Variants in PRKG2 observed in about 807,000 individuals in gnomAD.
PRKG2 encodes the protein protein kinase cGMP-dependent 2.
PRKG2 carries 33 observed loss-of-function variants against 97.2 expected under a neutral mutation model. That is an observed-to-expected ratio of 0.34 (90% CI 0.26 to 0.45). The LOEUF is 0.45. PRKG2 is among the 20% of genes least tolerant of loss of function. The pLI, the probability that PRKG2 is intolerant of heterozygous loss-of-function variation, is 1.00. For missense variants in PRKG2, 638 were observed against 900.0 expected, an observed-to-expected ratio of 0.71 and a Z score of 3.73; for synonymous variants, 330 against 321.8, an observed-to-expected ratio of 1.03 and a Z score of -0.27.
At chr4:81,208,710 C>T (rs192793714) in intron 1 of PRKG2, among the ~76,000 whole-genome samples, 136 of 152,248 alleles carry the variant, frequency 8.9e-4, no homozygotes, top group African/African-American at 2.8e-3. Flanking sequence ...TTTAAAGATG[C>T]ACATTATTCC....
In PRKG2 at chr4:81,138,246, G is replaced by A. The variant is rs189742585; in HGVS notation, c.1545-764C>T. On this transcript the variant is annotated intron_variant, in intron 12 of 18. Coordinates refer to ENST00000264399, the MANE Select transcript of PRKG2 (RefSeq NM_006259.3). ...GGAATGGGGGCCTCAGTTCCGAAGC[G>A]GGACGTAGGCAGGGCATCACATTTC... is the stretch of plus-strand genomic sequence containing the variant. Among the ~76,000 whole-genome samples the A allele has an allele frequency of 2.2e-4, 34 of 152,290 alleles. 1 individual carries two copies. In the East Asian group the frequency reaches 4.2e-3, roughly 19 times the overall value.
intron 13 of PRKG2, among the ~76,000 whole-genome samples, chr4:81,136,608 G>T (rs968442706): frequency 2.6e-5 from 4 of 151,906 alleles, no homozygotes; most frequent in Non-Finnish European, 4.4e-5. Flanking sequence ...CAGTTTCCCT[G>T]CCTCTCTGCC....
At chr4:81,211,684 A>T (rs1753980200) in intron 1 of PRKG2, among the ~76,000 whole-genome samples, 1 of 152,164 alleles carries the variant, frequency 6.6e-6, no homozygotes, top group Non-Finnish European at 1.5e-5. Context: ...TTAAGGATTA[A>T]AGCTCAGAGT....
At chr4:81,092,363 A>C in intron 18 of PRKG2, 23 bp downstream of exon 18, 1 of 1,467,216 alleles carries the variant, frequency 6.8e-7, no homozygotes, top group Non-Finnish European at 9.3e-7. Context: ...AAAAATAAAA[A>C]AGTAATATAA....
intron 2 of PRKG2, among the ~76,000 whole-genome samples, chr4:81,177,607 G>A (rs72879493): frequency 0.24 from 36,234 of 151,932 alleles, 8,421 homozygotes; most frequent in African/African-American, 0.59. Context: ...GGCTGAGGCA[G>A]GAGAATGGCG....
intron 17 of PRKG2, among the ~76,000 whole-genome samples, chr4:81,101,115 G>T (rs953262296): frequency 6.6e-6 from 1 of 151,720 alleles, no homozygotes; most frequent in Non-Finnish European, 1.5e-5. Context: ...TACACTGTTG[G>T]TGGGACTGTA....
intron 5 of PRKG2, among the ~76,000 whole-genome samples, chr4:81,167,812 A>C (rs1185870998): frequency 5.3e-5 from 8 of 151,990 alleles, no homozygotes; most frequent in Admixed American, 3.9e-4. Context: ...ATTATAAACA[A>C]CACCAAGGGA....
Position 81,171,813 on chromosome 4 carries a change from C to A in PRKG2, c.629-9G>T, listed in dbSNP as rs9992933. On this transcript the variant is annotated splice_polypyrimidine_tract_variant and intron_variant, in intron 3 of 18. Transcript: ENST00000264399. ...CACCTCTAGTCGACCCTCTATCAAGCAGAATTTTAAAAAACACACACACAA... is the reference window on the plus strand; with the variant it reads ...CACCTCTAGTCGACCCTCTATCAAGAAGAATTTTAAAAAACACACACACAA... 1 of 1,571,222 alleles carries A rather than the reference C, an allele frequency of 6.4e-7. No homozygotes were observed. Among genetic ancestry groups the A allele is most frequent in the Non-Finnish European group, 8.6e-7 (1 of 1,157,112 alleles).
At chr4:81,139,363 A>G (rs1341139048) in intron 12 of PRKG2, among the ~76,000 whole-genome samples, 1 of 152,186 alleles carries the variant, frequency 6.6e-6, no homozygotes, top group African/African-American at 2.4e-5. Context: ...GTCTGAATAA[A>G]ATAACCAGTT....
chr4:81,149,073 G>A, intron 8 of PRKG2, 121 bp from the exon 9 acceptor site: 1 of 905,930 alleles, frequency 1.1e-6, no homozygotes, highest in Non-Finnish European at 1.8e-6. Context: ...CCCAAAAACT[G>A]CTGCTTTTAA....
chr4:81,156,405 T>A (rs1314051899), intron 6 of PRKG2, among the ~76,000 whole-genome samples: 3 of 152,144 alleles, frequency 2.0e-5, no homozygotes, highest in Non-Finnish European at 2.9e-5. Context: ...ATGCACCCAA[T>A]ACAGGAGCAC....
Position 81,126,407 on chromosome 4 carries a change from G to A in PRKG2, c.1776+8748C>T, listed in dbSNP as rs539635427. ...GTATATACCCAGTAATGGGATTGCTGGGTCAAATAGTATTTCTGGTTCTAG... is the reference window on the plus strand; with the variant it reads ...GTATATACCCAGTAATGGGATTGCTAGGTCAAATAGTATTTCTGGTTCTAG... On this transcript the variant is annotated intron_variant, in intron 14 of 18. Transcript: ENST00000264399. 2.0e-5 allele frequency among the ~76,000 whole-genome samples: 3 copies of A among 152,222 alleles called. No homozygotes were observed. The South Asian group carries it at 6.2e-4, about 32-fold the overall frequency.
At chr4:81,156,501 G>T (rs186714725) in intron 6 of PRKG2, among the ~76,000 whole-genome samples, 1 of 152,052 alleles carries the variant, frequency 6.6e-6, no homozygotes, top group Non-Finnish European at 1.5e-5. Context: ...ACACCCCACC[G>T]TCAACATTAG....
At chr4:81,102,324 A>G (rs957618916) in intron 17 of PRKG2, among the ~76,000 whole-genome samples, 6 of 152,202 alleles carry the variant, frequency 3.9e-5, no homozygotes, top group African/African-American at 1.4e-4. Flanking sequence ...GTTAACAGAT[A>G]TATCACTTCT....
At chr4:81,166,776 C>T (rs559653882) in intron 6 of PRKG2, among the ~76,000 whole-genome samples, 57 of 152,196 alleles carry the variant, frequency 3.7e-4, no homozygotes, top group Non-Finnish European at 6.8e-4. Context: ...TACCCTTTCT[C>T]TGCTCCATTT....
chr4:81,135,831 A>AT (rs369635739), intron 13 of PRKG2, among the ~76,000 whole-genome samples: 201 of 145,082 alleles, frequency 1.4e-3, no homozygotes, highest in South Asian at 1.8e-3. Context: ...TACAGACTGG[A>AT]TTTTTTTTTT....
rs777286389 is a variant in PRKG2, at chr4:81,092,404, T to A, written c.2175A>T (p.Pro725=). 7 of 1,592,218 alleles carry A rather than the reference T, an allele frequency of 4.4e-6. No homozygotes were observed. The highest frequency in any genetic ancestry group is 6.0e-6 in the Non-Finnish European group (7 of 1,163,282). ...ACAATACCTCTCTTTGCAAAGGTGA[T>A]GGAAGGCTCCGTGCTTTCAGTCCCT... ...NWEGLKARSL[P]SPLQRELKGP... Residue 725 remains proline, a synonymous_variant, in exon 18 of 19, where the codon CCA becomes CCT. Transcript: ENST00000264399.
At chr4:81,095,033 A>G (rs1741981577) in intron 17 of PRKG2, among the ~76,000 whole-genome samples, 1 of 152,276 alleles carries the variant, frequency 6.6e-6, no homozygotes, top group Non-Finnish European at 1.5e-5. Flanking sequence ...AGGCTGTCAC[A>G]TTGCTCTGTC....
intron 6 of PRKG2, among the ~76,000 whole-genome samples, chr4:81,166,527 T>C (rs1035578905): frequency 1.3e-5 from 2 of 152,124 alleles, no homozygotes; most frequent in African/African-American, 2.4e-5. Flanking sequence ...CCAAGGTACA[T>C]GTCGTAAAAG....
Sources: gnomAD v4.1 joint callset for allele counts (sites outside exome capture counted in the v4.1 genomes callset) on GRCh38, gnomAD v4.1.1 for gene constraint, MANE v1.5 for transcripts, NCBI Gene and HGNC (gene_info 2026-07-23, HGNC 2026-07-21) for gene names.